The following TBC1D22A variants were observed in gnomAD, a reference collection of about 807,000 sequenced individuals.
TBC1D22A encodes the protein putative GTPase activator.
TBC1D22A carries 38 observed loss-of-function variants against 60.2 expected under a neutral mutation model. That is an observed-to-expected ratio of 0.63 (90% CI 0.49 to 0.83). The LOEUF (loss-of-function observed/expected upper bound fraction) is 0.83. TBC1D22A is among the 40% of genes least tolerant of loss of function. TBC1D22A has a pLI of 0.00. For missense variants in TBC1D22A, 628 were observed against 701.0 expected (o/e 0.90, Z 1.18); for synonymous variants, 302 against 281.7 (o/e 1.07, Z -0.72).
At chr22:46,980,019 C>T (rs1488656333) in intron 9 of TBC1D22A, among the ~76,000 whole-genome samples, 5 of 151,790 alleles carry the variant, frequency 3.3e-5, no homozygotes, top group Admixed American at 1.3e-4. Context: ...AGGAGTGCGC[C>T]GGGAATAAAT....
rs2068573927 is a variant in TBC1D22A at position 47,173,492 on chromosome 22, C to G, written c.1426-6C>G. ...CTCTGACCTGGGCTTGTCTCTTTCT[C>G]CCCAGGAGCTGCTGCTCTTCCTCCA... On this transcript the variant is annotated splice_polypyrimidine_tract_variant and splice_region_variant and intron_variant, in intron 12 of 12. Coordinates refer to ENST00000337137, the MANE Select transcript of TBC1D22A (RefSeq NM_014346.5). 1 of 1,613,846 alleles carries G rather than the reference C, an allele frequency of 6.2e-7. No individual in the cohort carries two copies. Among genetic ancestry groups the G allele is most frequent in the Non-Finnish European group, 8.5e-7 (1 of 1,179,884 alleles).
At chr22:47,078,188 G>A (rs1486969003) in intron 11 of TBC1D22A, among the ~76,000 whole-genome samples, 2 of 152,156 alleles carry the variant, frequency 1.3e-5, no homozygotes, top group Non-Finnish European at 2.9e-5. Context: ...GCTATCACTT[G>A]GTAAAAGTAT....
At chr22:46,773,381 C>T (rs1022849540) in intron 1 of TBC1D22A, among the ~76,000 whole-genome samples, 3 of 152,192 alleles carry the variant, frequency 2.0e-5, no homozygotes, top group Non-Finnish European at 2.9e-5. Flanking sequence ...TTCCCTGCAG[C>T]GCTCAGAACT....
At chr22:46,984,779 G>GTCATGACTCCTT (rs2074658328) in intron 9 of TBC1D22A, among the ~76,000 whole-genome samples, 1 of 152,208 alleles carries the variant, frequency 6.6e-6, no homozygotes, top group Non-Finnish European at 1.5e-5. Context: ...ACGCAGTGGC[G>GTCATGACTCCTT]TCATGACTCC....
At chr22:47,012,318 TC>T (rs889806701) in intron 10 of TBC1D22A, among the ~76,000 whole-genome samples, 2 of 151,990 alleles carry the variant, frequency 1.3e-5, no homozygotes, top group African/African-American at 4.8e-5. Context: ...GGGGCTCACA[TC>T]CCCCCAGCCC....
chr22:47,130,343 C>A (rs1310720876), intron 12 of TBC1D22A, among the ~76,000 whole-genome samples: 1 of 152,184 alleles, frequency 6.6e-6, no homozygotes, highest in Non-Finnish European at 1.5e-5. Context: ...CAAGCGCAGC[C>A]CCCTTCCCAA....
intron 12 of TBC1D22A, among the ~76,000 whole-genome samples, chr22:47,163,258 G>T (rs2068069527): frequency 6.6e-6 from 1 of 152,214 alleles, no homozygotes; most frequent in Admixed American, 6.5e-5. Flanking sequence ...CTCTTTGTCT[G>T]GCATCCAGGG....
intron 5 of TBC1D22A, among the ~76,000 whole-genome samples, chr22:46,887,731 G>C (rs565706117): frequency 3.9e-5 from 6 of 152,326 alleles, no homozygotes; most frequent in African/African-American, 1.4e-4. Context: ...GTCTGGCTTT[G>C]ACCTGGGTGG....
intron 12 of TBC1D22A, among the ~76,000 whole-genome samples, chr22:47,155,028 G>T (rs1416135868): frequency 1.3e-5 from 2 of 152,162 alleles, no homozygotes; most frequent in African/African-American, 2.4e-5. Flanking sequence ...CGCAAGGCAG[G>T]AAGTCTTCAC....
At chr22:46,998,326 T>G (rs995122304) in intron 10 of TBC1D22A, among the ~76,000 whole-genome samples, 11 of 152,146 alleles carry the variant, frequency 7.2e-5, no homozygotes, top group Non-Finnish European at 1.6e-4. Flanking sequence ...AGGCATATTC[T>G]CCTGATAGTT....
chr22:46,804,054 A>T (rs922534641), intron 4 of TBC1D22A, among the ~76,000 whole-genome samples: 1 of 152,212 alleles, frequency 6.6e-6, no homozygotes, highest in African/African-American at 2.4e-5. Context: ...AGTAACTGAC[A>T]CTACCATCCA....
intron 8 of TBC1D22A, among the ~76,000 whole-genome samples, chr22:46,935,151 C>T (rs752968519): frequency 8.5e-5 from 13 of 152,062 alleles, no homozygotes; most frequent in Non-Finnish European, 1.8e-4. Flanking sequence ...CAGTAGGTTT[C>T]GAAAGTGGCC....
chr22:46,930,780 C>G (rs1363053063), intron 8 of TBC1D22A, among the ~76,000 whole-genome samples: 1 of 152,062 alleles, frequency 6.6e-6, no homozygotes, highest in African/African-American at 2.4e-5. Flanking sequence ...GATTTTAAAT[C>G]CTGGCTTCCA....
intron 11 of TBC1D22A, among the ~76,000 whole-genome samples, chr22:47,042,157 C>G (rs551852885): frequency 7.3e-6 from 1 of 137,522 alleles, no homozygotes; most frequent in South Asian, 2.4e-4. Flanking sequence ...TACTGTGTCA[C>G]AGTGGCTTCT....
chr22:47,102,019 G>A (rs969211519), intron 11 of TBC1D22A, among the ~76,000 whole-genome samples: 3 of 152,178 alleles, frequency 2.0e-5, no homozygotes, highest in Admixed American at 1.3e-4. Flanking sequence ...GAGAGCTTAC[G>A]GTTTCGCAGG....
At chr22:47,032,175 G>T (rs1174480763) in intron 10 of TBC1D22A, among the ~76,000 whole-genome samples, 1 of 152,194 alleles carries the variant, frequency 6.6e-6, no homozygotes, top group East Asian at 1.9e-4. Flanking sequence ...TTCTGCGTGT[G>T]ACTCTGTGGT....
intron 8 of TBC1D22A, among the ~76,000 whole-genome samples, chr22:46,923,613 C>T (rs371708665): frequency 9.2e-5 from 14 of 152,366 alleles, no homozygotes; most frequent in African/African-American, 1.4e-4. Flanking sequence ...GGCACTTGCC[C>T]GCTCAGCGCT....
intron 11 of TBC1D22A, among the ~76,000 whole-genome samples, chr22:47,094,376 C>T (rs1000155652): frequency 9.9e-5 from 15 of 152,158 alleles, no homozygotes; most frequent in Non-Finnish European, 1.9e-4. Context: ...CCATAATGTG[C>T]GTGGGTCTCA....
chr22:47,053,634 G>C (rs1431184249), intron 11 of TBC1D22A, among the ~76,000 whole-genome samples: 1 of 151,278 alleles, frequency 6.6e-6, no homozygotes, highest in Non-Finnish European at 1.5e-5. Context: ...CACAGCAGGA[G>C]GTTGAGAGGT....
Sources: gnomAD v4.1 joint callset for allele counts (sites outside exome capture counted in the v4.1 genomes callset) on GRCh38, gnomAD v4.1.1 for gene constraint, MANE v1.5 for transcripts, NCBI Gene and HGNC (gene_info 2026-07-23, HGNC 2026-07-21) for gene names.